The following ROR1 variants were observed in gnomAD, a reference collection of about 807,000 sequenced individuals.
ROR1 encodes the protein inactive tyrosine-protein kinase transmembrane receptor ROR1.
A neutral mutation model predicts 78.8 loss-of-function variants in ROR1; 19 were observed. The ratio of observed to expected loss-of-function variants is 0.24; its 90% CI spans 0.17 to 0.35. The LOEUF is 0.35. ROR1 is among the 10% of genes least tolerant of loss of function. The probability of loss-of-function intolerance (pLI) is 1.00; values close to 1 mark genes in which losing one functional copy is unlikely to be tolerated. For synonymous variants in ROR1, 386 were observed against 433.6 expected (o/e 0.89, Z 1.36); for missense variants, 917 against 1,177.8 (o/e 0.78, Z 3.24).
intron 4 of ROR1, among the ~76,000 whole-genome samples, chr1:64,086,693 C>T (rs1272225228): frequency 6.6e-6 from 1 of 152,164 alleles, no homozygotes; most frequent in Non-Finnish European, 1.5e-5. Flanking sequence ...TTCTCTTTTT[C>T]ACAGTCTACC....
intron 1 of ROR1, among the ~76,000 whole-genome samples, chr1:63,850,805 T>C (rs1645109465): frequency 6.6e-6 from 1 of 152,276 alleles, no homozygotes; most frequent in South Asian, 2.1e-4. Context: ...TTCTAAGGAA[T>C]TGAAGAGACA....
chr1:64,175,116 A>T (rs1650343674), intron 8 of ROR1, among the ~76,000 whole-genome samples: 1 of 151,904 alleles, frequency 6.6e-6, no homozygotes, highest in South Asian at 2.1e-4. Context: ...TAAAGCATAG[A>T]AAAGCAGAAC....
intron 4 of ROR1, among the ~76,000 whole-genome samples, chr1:64,131,768 C>T (rs1396706937): frequency 6.6e-6 from 1 of 152,070 alleles, no homozygotes; most frequent in African/African-American, 2.4e-5. Flanking sequence ...GTGTGTGCCA[C>T]CATGCCCTGC....
chr1:63,937,392 A>G (rs1392866978), intron 1 of ROR1, among the ~76,000 whole-genome samples: 1 of 152,176 alleles, frequency 6.6e-6, no homozygotes, highest in Non-Finnish European at 1.5e-5. Context: ...TCAGGTACCA[A>G]CACTGCAAGA....
chr1:64,001,865 A>G (rs1350116796), intron 1 of ROR1, among the ~76,000 whole-genome samples: 2 of 152,122 alleles, frequency 1.3e-5, no homozygotes, highest in Non-Finnish European at 1.5e-5. Flanking sequence ...ATCGGCGTCC[A>G]CTTTGTGTTA....
At chr1:63,832,099 C>G (rs1335518023) in intron 1 of ROR1, among the ~76,000 whole-genome samples, 1 of 152,238 alleles carries the variant, frequency 6.6e-6, no homozygotes, top group Non-Finnish European at 1.5e-5. Flanking sequence ...CCACCTGAGA[C>G]CACCTCAGAC....
chr1:64,003,241 A>G lies in ROR1; in HGVS notation c.92-6064A>G, dbSNP rs554512563. Among the ~76,000 whole-genome samples the G allele has an allele frequency of 4.4e-3, 676 of 152,150 alleles. 8 individuals are homozygous for G. The highest frequency in any genetic ancestry group is 0.012 in the South Asian group (59 of 4,798). On this transcript the variant is annotated intron_variant, in intron 1 of 8. Coordinates refer to ENST00000371079, the MANE Select transcript of ROR1 (RefSeq NM_005012.4). ...CAGATCTCACCATATAACAATACAA[A>G]TAATAGCACAAATTTTGATATATTA...
chr1:63,800,068 G>A (rs1644786214), intron 1 of ROR1, among the ~76,000 whole-genome samples: 4 of 152,204 alleles, frequency 2.6e-5, no homozygotes, highest in Admixed American at 2.6e-4. Flanking sequence ...CCTTAGCTCA[G>A]GAGATGGGCA....
intron 1 of ROR1, among the ~76,000 whole-genome samples, chr1:63,968,596 G>A (rs187337689): frequency 3.9e-5 from 6 of 152,228 alleles, no homozygotes; most frequent in East Asian, 3.9e-4. Context: ...TCTTCACTGC[G>A]TGGGAAATAC....
chr1:64,072,817 AT>A (rs1647018708), intron 4 of ROR1, among the ~76,000 whole-genome samples: 1 of 152,076 alleles, frequency 6.6e-6, no homozygotes, highest in African/African-American at 2.4e-5. Context: ...CGTGGATAGT[AT>A]CCTACTCTGA....
intron 4 of ROR1, among the ~76,000 whole-genome samples, chr1:64,098,077 C>T (rs1433181120): frequency 3.3e-5 from 5 of 152,134 alleles, no homozygotes. Flanking sequence ...ATCAATATTT[C>T]TGCCACTCGA....
chr1:63,947,414 A>G (rs2100465216), intron 1 of ROR1, among the ~76,000 whole-genome samples: 1 of 152,332 alleles, frequency 6.6e-6, no homozygotes, highest in African/African-American at 2.4e-5. Context: ...AAGAAATTGC[A>G]TCTAATGGAG....
intron 1 of ROR1, among the ~76,000 whole-genome samples, chr1:63,807,826 C>A (rs1644838709): frequency 6.6e-6 from 1 of 152,064 alleles, no homozygotes; most frequent in African/African-American, 2.4e-5. Flanking sequence ...CTGTGCTGGT[C>A]TCTGGAGATA....
chr1:63,955,558 G>A (rs551826752), intron 1 of ROR1, among the ~76,000 whole-genome samples: 20 of 152,256 alleles, frequency 1.3e-4, no homozygotes, highest in Non-Finnish European at 1.9e-4. Flanking sequence ...GAAAGGGGGC[G>A]TAAATCAAAG....
chr1:63,841,343 T>A (rs948801619), intron 1 of ROR1, among the ~76,000 whole-genome samples: 5 of 152,222 alleles, frequency 3.3e-5, no homozygotes, highest in Admixed American at 3.3e-4. Flanking sequence ...GCTTTTTAGA[T>A]CCCTTACAGA....
At chr1:63,861,870 TA>T (rs1473446236) in intron 1 of ROR1, among the ~76,000 whole-genome samples, 5 of 152,296 alleles carry the variant, frequency 3.3e-5, no homozygotes, top group Middle Eastern at 6.8e-3. Flanking sequence ...TGTGATAATA[TA>T]GGACTTTAGA....
chr1:63,857,763 A>G (rs562958805), intron 1 of ROR1, among the ~76,000 whole-genome samples: 1 of 152,334 alleles, frequency 6.6e-6, no homozygotes, highest in African/African-American at 2.4e-5. Context: ...AGAATGAACC[A>G]TATTTGGTAA....
intron 1 of ROR1, among the ~76,000 whole-genome samples, chr1:63,779,308 A>C (rs1185336868): frequency 6.6e-6 from 1 of 152,224 alleles, no homozygotes; most frequent in Admixed American, 6.5e-5. Context: ...AGTGCTGTCT[A>C]GTGGGACAGC....
intron 1 of ROR1, among the ~76,000 whole-genome samples, chr1:63,893,455 A>T (rs564407375): frequency 1.2e-4 from 18 of 152,116 alleles, no homozygotes; most frequent in Non-Finnish European, 2.6e-4. Flanking sequence ...GAAGATGGTT[A>T]TTTACTTGTT....
Sources: gnomAD v4.1 joint callset for allele counts (sites outside exome capture counted in the v4.1 genomes callset) on GRCh38, gnomAD v4.1.1 for gene constraint, MANE v1.5 for transcripts, NCBI Gene and HGNC (gene_info 2026-07-23, HGNC 2026-07-21) for gene names.